The following DCDC1 variants were observed in gnomAD, a reference collection of about 807,000 sequenced individuals.
DCDC1 encodes doublecortin domain containing 1.
A neutral mutation model predicts 178.3 loss-of-function variants in DCDC1; 200 were observed. That is an observed-to-expected ratio of 1.12 (90% CI 1.00 to 1.26). The LOEUF (loss-of-function observed/expected upper bound fraction) is 1.26. DCDC1 is among the 50% of genes most tolerant of loss of function. The pLI is 0.00. For synonymous variants in DCDC1, 690 were observed against 604.8 expected, an observed-to-expected ratio of 1.14 and a Z score of -2.07; for missense variants, 1,983 against 1,749.2, an observed-to-expected ratio of 1.13 and a Z score of -2.38.
At chr11:30,944,475 A>G in intron 21 of DCDC1, 1 of 327,928 alleles carries the variant, frequency 3.0e-6, no homozygotes, top group South Asian at 2.7e-5. Context: ...TCCTAATCAC[A>G]GTTTATTTAT....
intron 9 of DCDC1, among the ~76,000 whole-genome samples, chr11:31,176,632 G>T (rs940367920): frequency 6.6e-6 from 1 of 152,010 alleles, no homozygotes; most frequent in Non-Finnish European, 1.5e-5. Flanking sequence ...GACAAGGAGA[G>T]AATTCTAAAA....
At position 30,878,589 on chromosome 11, in the gene DCDC1, T is replaced by C. The variant is rs373620837; in HGVS notation, c.5356A>G (p.Asn1786Asp). Residue 1786 changes from asparagine to aspartate, a missense_variant, in exon 38 of 39, where the codon AAT (asparagine) becomes GAT (aspartate). Coordinates refer to ENST00000684477, the MANE Select transcript of DCDC1 (RefSeq NM_001387274.1). The part of the protein sequence containing the change: ...TKLLSLAHLH[N>D] ...TCCGATGGTTCTGATAGGAGTTAAT[T>C]GTGGAGATGTGCCAGAGACAGCAGC... 23 of 1,600,160 alleles carry C rather than the reference T, an allele frequency of 1.4e-5. No individual in the cohort carries two copies. In the African/African-American group the frequency reaches 3.1e-4, roughly 22 times the overall value.
chr11:31,006,575 G>A (rs1261298021), intron 20 of DCDC1, among the ~76,000 whole-genome samples: 4 of 152,132 alleles, frequency 2.6e-5, no homozygotes, highest in South Asian at 2.1e-4. Flanking sequence ...TTGCTTAACC[G>A]CTCCATTCCT....
chr11:30,961,029 CA>C (rs2134575803), intron 20 of DCDC1, among the ~76,000 whole-genome samples: 1 of 152,162 alleles, frequency 6.6e-6, no homozygotes, highest in African/African-American at 2.4e-5. Flanking sequence ...CTCTCAAAAA[CA>C]AAATCCAGAA....
intron 20 of DCDC1, among the ~76,000 whole-genome samples, chr11:31,008,410 A>G (rs1443990435): frequency 6.6e-6 from 1 of 152,122 alleles, no homozygotes; most frequent in Non-Finnish European, 1.5e-5. Context: ...GTCTCTTAAA[A>G]ATTCACCAAG....
chr11:31,140,671 G>C (rs1047345434), intron 9 of DCDC1, among the ~76,000 whole-genome samples: 1 of 151,948 alleles, frequency 6.6e-6, no homozygotes, highest in African/African-American at 2.4e-5. Flanking sequence ...AAAGAAAACT[G>C]AACAAAATTT....
chr11:30,982,743 T>G (rs758943768), intron 20 of DCDC1, among the ~76,000 whole-genome samples: 6 of 152,184 alleles, frequency 3.9e-5, no homozygotes, highest in Non-Finnish European at 7.3e-5. Context: ...TTTTTTCTAC[T>G]GATGCACCGC....
intron 1 of DCDC1, among the ~76,000 whole-genome samples, chr11:31,348,078 C>G (rs1950900600): frequency 6.6e-6 from 1 of 152,134 alleles, no homozygotes; most frequent in African/African-American, 2.4e-5. Flanking sequence ...AGTACATATT[C>G]TAAATTCTGC....
At chr11:31,029,042 A>G (rs1025490792) in intron 20 of DCDC1, among the ~76,000 whole-genome samples, 32 of 152,196 alleles carry the variant, frequency 2.1e-4, no homozygotes, top group South Asian at 2.1e-4. Flanking sequence ...AACATGAAAG[A>G]AAAGAACTGC....
chr11:30,915,750 C>T, intron 26 of DCDC1, 39 bp from the exon 27 acceptor site: 2 of 1,575,468 alleles, frequency 1.3e-6, no homozygotes, highest in African/African-American at 1.3e-5. Flanking sequence ...AGAAAAATGT[C>T]CCATGCACTT....
At chr11:31,351,021 G>C (rs1951046227) in intron 1 of DCDC1, among the ~76,000 whole-genome samples, 1 of 151,812 alleles carries the variant, frequency 6.6e-6, no homozygotes, top group Non-Finnish European at 1.5e-5. Flanking sequence ...AAAATATTAA[G>C]TCATAAAAAC....
At chr11:31,019,289 G>A (rs1426013028) in intron 20 of DCDC1, among the ~76,000 whole-genome samples, 2 of 152,182 alleles carry the variant, frequency 1.3e-5, no homozygotes, top group Non-Finnish European at 2.9e-5. Flanking sequence ...AGTTTTCAGA[G>A]ATGGAAAGAC....
At chr11:31,177,038 C>A (rs1968132140) in intron 9 of DCDC1, among the ~76,000 whole-genome samples, 1 of 151,998 alleles carries the variant, frequency 6.6e-6, no homozygotes. Context: ...TGTAAGTCTC[C>A]TAATCACCTA....
intron 1 of DCDC1, among the ~76,000 whole-genome samples, chr11:31,341,420 T>C (rs560919381): frequency 6.7e-6 from 1 of 149,588 alleles, no homozygotes; most frequent in South Asian, 2.1e-4. Context: ...GATAGATAGA[T>C]AGATAGATAG....
In DCDC1 at chr11:30,884,005, G is replaced by A. The variant is rs72894862; in HGVS notation, c.5083-2697C>T. Among the ~76,000 whole-genome samples, 883 of 128,352 alleles carry A rather than the reference G, an allele frequency of 6.9e-3. 7 individuals carry two copies. Among genetic ancestry groups the A allele is most frequent in the Non-Finnish European group, 0.013 (758 of 59,646 alleles). 84.2% of individuals were successfully genotyped at this position (128,352 alleles called of 152,430 possible). ...AACGACCAAAAAAGGAGGTGGGCAAGAAAAAGAAAACCAAAGCATTCTTTC... is the reference window on the plus strand; with the variant it reads ...AACGACCAAAAAAGGAGGTGGGCAAAAAAAAGAAAACCAAAGCATTCTTTC... On this transcript the variant is annotated intron_variant, in intron 36 of 38. Transcript: ENST00000684477.
At chr11:31,203,321 T>C (rs1311843830) in intron 9 of DCDC1, among the ~76,000 whole-genome samples, 1 of 152,060 alleles carries the variant, frequency 6.6e-6, no homozygotes, top group Non-Finnish European at 1.5e-5. Flanking sequence ...CAATTACAAA[T>C]AGTGAGAAAA....
In DCDC1 at chr11:31,314,054, C is replaced by T. The variant is rs925386923; in HGVS notation, c.165-6146G>A. Among the ~76,000 whole-genome samples, 3 of 152,142 alleles carry T rather than the reference C, an allele frequency of 2.0e-5. No homozygotes were observed. In the East Asian group the frequency reaches 5.8e-4, roughly 29 times the overall value. The stretch of plus-strand genomic sequence containing the variant: ...TTTTTCAGTATGATTTCTATGCCAA[C>T]CCCACATGAAGGAATGTGCTTCCTC... On this transcript the variant is annotated intron_variant, in intron 3 of 38. Transcript: ENST00000684477.
chr11:30,901,603 G>A (rs2134113001), intron 32 of DCDC1, among the ~76,000 whole-genome samples: 1 of 152,222 alleles, frequency 6.6e-6, no homozygotes, highest in South Asian at 2.1e-4. Flanking sequence ...GGGCTTGCCT[G>A]ATTTAAGGAT....
chr11:30,940,290 C>A (rs1947548546), intron 21 of DCDC1, among the ~76,000 whole-genome samples: 1 of 152,110 alleles, frequency 6.6e-6, no homozygotes, highest in Non-Finnish European at 1.5e-5. Context: ...CTAAAACATA[C>A]CAGATCACTG....
Sources: allele counts gnomAD v4.1 joint callset (sites outside exome capture counted in the v4.1 genomes callset), GRCh38; gene constraint gnomAD v4.1.1; transcripts MANE v1.5; gene names NCBI Gene and HGNC (gene_info 2026-07-23, HGNC 2026-07-21).